RHBDD1: variants seen among roughly 807,000 people sequenced by gnomAD.
RHBDD1 encodes rhomboid-related protein 4.
Under a neutral mutation model 36.3 loss-of-function variants are expected in RHBDD1, and 38 were observed. The observed-to-expected ratio is 1.05, with a 90% CI of 0.81 to 1.37. RHBDD1 has a LOEUF of 1.37. Ranked by LOEUF, RHBDD1 falls within the 40% of genes most tolerant of loss-of-function variation. RHBDD1 has a pLI of 0.00. For missense variants in RHBDD1, 393 were observed against 377.6 expected, an observed-to-expected ratio of 1.04 and a Z score of -0.34; for synonymous variants, 151 against 136.5, an observed-to-expected ratio of 1.11 and a Z score of -0.74.
chr2:226,880,891 G>C (rs772587140), intron 5 of RHBDD1, among the ~76,000 whole-genome samples: 1 of 152,104 alleles, frequency 6.6e-6, no homozygotes, highest in African/African-American at 2.4e-5. Context: ...AACATACTCC[G>C]TGTAGAAAAG....
At chr2:226,966,837 AT>A (rs56864331) in intron 8 of RHBDD1, among the ~76,000 whole-genome samples, 63,665 of 146,918 alleles carry the variant, frequency 0.43, 13,479 homozygotes, top group South Asian at 0.52. Context: ...ATTCTTTTTA[AT>A]TTTTTTTTTT....
chr2:226,810,564 A>AAT, the RHBDD1 span, among the ~76,000 whole-genome samples: 1 of 150,382 alleles, frequency 6.6e-6, no homozygotes, highest in African/African-American at 2.5e-5. Context: ...AAAAAAAAAA[A>AAT]AGTGAATGTT....
At chr2:226,981,829 G>A (rs1288791677) in intron 8 of RHBDD1, among the ~76,000 whole-genome samples, 1 of 152,142 alleles carries the variant, frequency 6.6e-6, no homozygotes, top group African/African-American at 2.4e-5. Context: ...TCAGCTCTGG[G>A]GTGCAGAGAG....
intron 5 of RHBDD1, among the ~76,000 whole-genome samples, chr2:226,893,905 G>A (rs1227400151): frequency 1.3e-5 from 2 of 152,196 alleles, no homozygotes; most frequent in Admixed American, 6.5e-5. Context: ...TGAAAAACCT[G>A]TTTGTGGTTA....
chr2:226,962,709 G>A (rs989576807), intron 8 of RHBDD1, among the ~76,000 whole-genome samples: 1 of 152,208 alleles, frequency 6.6e-6, no homozygotes, highest in East Asian at 1.9e-4. Context: ...AGGCAGACAA[G>A]GGAGGAGGAA....
At chr2:226,824,872 C>T in the RHBDD1 span, among the ~76,000 whole-genome samples, 7 of 152,140 alleles carry the variant, frequency 4.6e-5, no homozygotes, top group African/African-American at 1.7e-4. Context: ...GGCAGAGATA[C>T]AGCTGTGTTT....
chr2:226,955,038 T>C (rs1034174971), intron 8 of RHBDD1, among the ~76,000 whole-genome samples: 8 of 151,726 alleles, frequency 5.3e-5, no homozygotes, highest in African/African-American at 1.9e-4. Context: ...GCAGGAGAAG[T>C]TGCCAAGCAG....
At chr2:226,829,762 T>C in the RHBDD1 span, among the ~76,000 whole-genome samples, 1 of 152,220 alleles carries the variant, frequency 6.6e-6, no homozygotes, top group Non-Finnish European at 1.5e-5. Context: ...TATGTATGTG[T>C]GTATTTTCCT....
At chr2:226,974,225 T>TTTTATTTTA (rs1559329594) in intron 8 of RHBDD1, among the ~76,000 whole-genome samples, 19 of 148,142 alleles carry the variant, frequency 1.3e-4, no homozygotes, top group Non-Finnish European at 2.7e-4. Flanking sequence ...TGTTGCCCTT[T>TTTTATTTTA]TTTTATTTTA....
At chr2:226,918,092 G>A (rs1273745915) in intron 8 of RHBDD1, among the ~76,000 whole-genome samples, 1 of 151,934 alleles carries the variant, frequency 6.6e-6, no homozygotes, top group Admixed American at 6.6e-5. Context: ...ATAATCCAAA[G>A]ACTTATAAGT....
chr2:226,882,398 C>A (rs1347127559), intron 5 of RHBDD1, among the ~76,000 whole-genome samples: 2 of 136,002 alleles, frequency 1.5e-5, no homozygotes, highest in African/African-American at 5.8e-5. Flanking sequence ...CCATTGCACT[C>A]CAGCCTGGGC....
At chr2:226,894,822 A>G (rs1285339149) in intron 5 of RHBDD1, among the ~76,000 whole-genome samples, 1 of 152,142 alleles carries the variant, frequency 6.6e-6, no homozygotes, top group Non-Finnish European at 1.5e-5. Context: ...GGACAGGGAA[A>G]CTTTAGCATG....
At chr2:226,917,088 A>C (rs1352164590) in intron 8 of RHBDD1, among the ~76,000 whole-genome samples, 1 of 152,128 alleles carries the variant, frequency 6.6e-6, no homozygotes, top group Non-Finnish European at 1.5e-5. Context: ...TCCTTAATGA[A>C]GAATATATTT....
At chr2:226,876,113 A>G (rs1022961630) in intron 5 of RHBDD1, among the ~76,000 whole-genome samples, 7 of 152,234 alleles carry the variant, frequency 4.6e-5, no homozygotes, top group Admixed American at 4.6e-4. Context: ...GCCAAATCAT[A>G]GAGGGCTTTG....
At chr2:226,920,924 G>T (rs909481681) in intron 8 of RHBDD1, among the ~76,000 whole-genome samples, 1 of 152,070 alleles carries the variant, frequency 6.6e-6, no homozygotes, top group Non-Finnish European at 1.5e-5. Context: ...AATAGTTTGT[G>T]TTGGATTGGT....
intron 3 of RHBDD1, among the ~76,000 whole-genome samples, chr2:226,847,987 G>T (rs1260521717): frequency 6.6e-6 from 1 of 152,122 alleles, no homozygotes; most frequent in South Asian, 2.1e-4. Context: ...GCCTGGCCCT[G>T]GTAGGAGAAA....
At chr2:226,868,218 G>A (rs1944498478) in intron 5 of RHBDD1, among the ~76,000 whole-genome samples, 1 of 152,136 alleles carries the variant, frequency 6.6e-6, no homozygotes, top group African/African-American at 2.4e-5. Context: ...AAACCCTAGA[G>A]CTCCAGGAAG....
intron 8 of RHBDD1, among the ~76,000 whole-genome samples, chr2:226,920,410 C>T (rs776655970): frequency 6.6e-6 from 1 of 152,044 alleles, no homozygotes; most frequent in African/African-American, 2.4e-5. Context: ...CTAGCTAGGA[C>T]TTTCAGTACT....
chr2:226,925,376 G>C lies in RHBDD1; in HGVS notation c.856+11025G>C, dbSNP rs117072677. 6.4e-4 allele frequency among the ~76,000 whole-genome samples: 98 copies of C among 152,264 alleles called. No individual in the cohort carries two copies. In the East Asian group the frequency reaches 0.018, roughly 28 times the overall value. On this transcript the variant is annotated intron_variant, in intron 8 of 8. Transcript: ENST00000392062. The stretch of plus-strand genomic sequence containing the variant: ...GGGTTAAATCAGTTGTGGTTTCATT[G>C]TAAAATGGAAATATTAGGCATCTAT...
Sources: allele counts gnomAD v4.1 joint callset (sites outside exome capture counted in the v4.1 genomes callset), GRCh38; gene constraint gnomAD v4.1.1; transcripts MANE v1.5; gene names NCBI Gene and HGNC (gene_info 2026-07-23, HGNC 2026-07-21).